Variants in ADA2 observed in about 807,000 individuals in gnomAD.
ADA2 encodes the protein adenosine deaminase 2.
A neutral mutation model predicts 44.2 loss-of-function variants in ADA2; 29 were observed. The observed-to-expected ratio is 0.66, with a 90% CI of 0.49 to 0.89. ADA2 has a LOEUF of 0.89. ADA2 is among the 40% of genes least tolerant of loss of function. The pLI, the probability that ADA2 is intolerant of heterozygous loss-of-function variation, is 0.00. For missense variants in ADA2, 637 were observed against 644.8 expected (o/e 0.99, Z 0.13); for synonymous variants, 215 against 234.9 (o/e 0.92, Z 0.77).
chr22:17,216,789 C>CACAT (rs71200248), intron 1 of ADA2, among the ~76,000 whole-genome samples: 6,850 of 72,618 alleles, frequency 0.094, 169 homozygotes, highest in Middle Eastern at 0.18. Context: ...CACACACACA[C>CACAT]ATATATATAG....
At chr22:17,193,194 T>C in intron 4 of ADA2, 5 of 1,296,350 alleles carry the variant, frequency 3.9e-6, no homozygotes, top group South Asian at 1.2e-5. Context: ...CTCCCTGTGC[T>C]GACATCGCTC....
intron 6 of ADA2, 191 bp from the exon 7 acceptor site, chr22:17,188,638 G>A: frequency 2.4e-6 from 1 of 418,716 alleles, no homozygotes; most frequent in East Asian, 4.1e-5. Context: ...CCAGCACTTT[G>A]GGAGGCCGAG....
chr22:17,181,592 G>A lies in ADA2; in HGVS notation c.1443-16C>T, dbSNP rs750495508. 1.8e-5 allele frequency: 29 copies of A among 1,569,256 alleles called. No individual in the cohort carries two copies. The highest frequency in any genetic ancestry group is 3.3e-5 in the South Asian group (3 of 90,160). On this transcript the variant is annotated splice_polypyrimidine_tract_variant and intron_variant, in intron 9 of 9. Coordinates refer to ENST00000399837, the MANE Select transcript of ADA2 (RefSeq NM_001282225.2). ...GGTACTGTACCTGCAGGAAGAGGAG[G>A]AGCCCAGGTCAGCCTCAGGGCAGGG...
chr22:17,187,023 G>A (rs1286074226), intron 7 of ADA2, among the ~76,000 whole-genome samples: 3 of 151,494 alleles, frequency 2.0e-5, no homozygotes, highest in African/African-American at 4.9e-5. Context: ...AAAATTAGCC[G>A]GGCGTGGTGG....
At chr22:17,193,357 GCAAAAAAAAA>G in intron 4 of ADA2, 3 of 47,028 alleles carry the variant, frequency 6.4e-5, no homozygotes, top group Non-Finnish European at 1.1e-4. Context: ...CGTAAAAACT[GCAAAAAAAAA>G]AAAAAAAAAA....
intron 4 of ADA2, among the ~76,000 whole-genome samples, chr22:17,202,284 C>T (rs1452616469): frequency 2.6e-5 from 4 of 152,194 alleles, no homozygotes; most frequent in East Asian, 3.9e-4. Flanking sequence ...CATGCGCCAT[C>T]GCGCCCAGCT....
At position 17,203,613 on chromosome 22, in the gene ADA2, A is replaced by T; in HGVS notation, c.703T>A (p.Phe235Ile). The change falls in exon 4 of 10, where the codon TTC (phenylalanine) becomes ATC (isoleucine). Residue 235 changes from phenylalanine to isoleucine, a missense_variant. Coordinates refer to ENST00000399837, the MANE Select transcript of ADA2 (RefSeq NM_001282225.2). ...RDYVFRSMQE[F>I]YEDNVLYMEI... ...ATGTAGAGCACGTTGTCCTCGTAGA[A>T]CTCCTGCATGCTCCGGAAGACATAG... 1 of 1,613,288 alleles carries T rather than the reference A, an allele frequency of 6.2e-7. No homozygotes were observed. The highest frequency in any genetic ancestry group is 8.5e-7 in the Non-Finnish European group (1 of 1,179,944).
chr22:17,185,023 CT>C (rs2062020424), intron 7 of ADA2, among the ~76,000 whole-genome samples: 1 of 113,234 alleles, frequency 8.8e-6, no homozygotes, highest in Admixed American at 8.2e-5. Flanking sequence ...CTCCACTTTC[CT>C]GATAGAAATA....
chr22:17,193,453 T>A, intron 4 of ADA2: 1 of 340,484 alleles, frequency 2.9e-6, no homozygotes, highest in Non-Finnish European at 5.2e-6. Context: ...GATCACGAGG[T>A]CATGAGTTCG....
intron 4 of ADA2, among the ~76,000 whole-genome samples, chr22:17,197,127 C>A (rs948456616): frequency 2.6e-5 from 4 of 152,072 alleles, no homozygotes; most frequent in Admixed American, 2.6e-4. Flanking sequence ...GAGCCAAGAT[C>A]GCACCACTGC....
At chr22:17,207,367 G>A (rs2062366557) in intron 2 of ADA2, 77 bp from the exon 3 acceptor site, 1 of 1,076,462 alleles carries the variant, frequency 9.3e-7, no homozygotes, top group Non-Finnish European at 1.4e-6. Context: ...GGACAAAGGA[G>A]GGGGTGAAGT....
In ADA2 at chr22:17,209,834, T is replaced by G. The variant is rs1018556598; in HGVS notation, c.-46-111A>C. The G allele has an allele frequency of 1.2e-4, 76 of 635,268 alleles. No homozygotes were observed. The African/African-American group carries it at 1.3e-3, about 11-fold the overall frequency. The allele number at this position is 635,268 out of a possible 1,614,324, so 39.4% of individuals were successfully genotyped here. On this transcript the variant is annotated intron_variant, in intron 1 of 9. Transcript: ENST00000399837. ...CAGAAGGCAAGATATTGAAGGATTC[T>G]TCTTCCAGACCCCAGAGAAAAGACC... is the stretch of plus-strand genomic sequence containing the variant.
At chr22:17,182,147 G>A (rs2061978607) in intron 8 of ADA2, 125 bp from the exon 9 acceptor site, 4 of 739,086 alleles carry the variant, frequency 5.4e-6, no homozygotes, top group Admixed American at 2.7e-5. Context: ...CCCAGTATGG[G>A]GATGACTTCT....
upstream of ADA2, among the ~76,000 whole-genome samples, chr22:17,220,004 G>A (rs915243139): frequency 3.3e-5 from 5 of 152,098 alleles, no homozygotes; most frequent in Non-Finnish European, 5.9e-5. Flanking sequence ...GTTGGAGGGA[G>A]GGTGTGTGTG....
At position 17,207,212 on chromosome 22, in the gene ADA2, C is replaced by T; in HGVS notation, c.401G>A (p.Cys134Tyr). The change falls in exon 3 of 10, where the codon TGC becomes TAC. Residue 134 changes from cysteine to tyrosine, a missense_variant. Transcript: ENST00000399837. ...CCCCCTTGGGGTGAAACAGATGTGGCAGTGAGGCCTGTAGGTGACATTCCT... is the reference window on the plus strand; with the variant it reads ...CCCCCTTGGGGTGAAACAGATGTGGTAGTGAGGCCTGTAGGTGACATTCCT... ...LVRNVTYRPH[C>Y]HICFTPRGIM... 2 of 1,614,118 alleles carry T rather than the reference C, an allele frequency of 1.2e-6. No individual in the cohort carries two copies. Among genetic ancestry groups the T allele is most frequent in the Non-Finnish European group, 8.5e-7 (1 of 1,179,974 alleles).
intron 3 of ADA2, among the ~76,000 whole-genome samples, chr22:17,204,680 A>C (rs2062333130): frequency 6.6e-6 from 1 of 151,958 alleles, no homozygotes; most frequent in Non-Finnish European, 1.5e-5. Flanking sequence ...GTGAGTACAC[A>C]GCCAGAGGCG....
intron 4 of ADA2, among the ~76,000 whole-genome samples, chr22:17,194,648 C>G (rs1431233436): frequency 6.6e-6 from 1 of 152,070 alleles, no homozygotes; most frequent in Non-Finnish European, 1.5e-5. Flanking sequence ...TCACTCTGCT[C>G]GGGCAGTTTC....
chr22:17,198,282 C>A (rs1197206263), intron 4 of ADA2, among the ~76,000 whole-genome samples: 1 of 152,142 alleles, frequency 6.6e-6, no homozygotes, highest in Non-Finnish European at 1.5e-5. Flanking sequence ...AAATCAGAAT[C>A]TGTGGGGTAG....
At chr22:17,198,046 A>C (rs1568979849) in intron 4 of ADA2, among the ~76,000 whole-genome samples, 1 of 151,964 alleles carries the variant, frequency 6.6e-6, no homozygotes, top group African/African-American at 2.4e-5. Context: ...CTCAAAAAAA[A>C]AAAAAACAAA....
Sources: gnomAD v4.1 joint callset for allele counts (sites outside exome capture counted in the v4.1 genomes callset) on GRCh38, gnomAD v4.1.1 for gene constraint, MANE v1.5 for transcripts, NCBI Gene and HGNC (gene_info 2026-07-23, HGNC 2026-07-21) for gene names.